PXDN: variants seen among roughly 807,000 people sequenced by gnomAD.
PXDN encodes the protein peroxidasin, also known as peroxidasin homolog.
PXDN carries 77 observed loss-of-function variants against 140.3 expected under a neutral mutation model. The observed-to-expected ratio is 0.55, with a 90% CI of 0.46 to 0.66. The LOEUF is 0.66. PXDN is among the 30% of genes least tolerant of loss of function. The pLI is 0.00. For missense variants in PXDN, 1,838 were observed against 2,039.5 expected, an observed-to-expected ratio of 0.90 and a Z score of 1.90; for synonymous variants, 911 against 857.4, an observed-to-expected ratio of 1.06 and a Z score of -1.09.
intron 7 of PXDN, 135 bp from the exon 8 acceptor site, chr2:1,677,179 C>G: frequency 1.3e-6 from 1 of 783,340 alleles, no homozygotes; most frequent in Non-Finnish European, 2.0e-6. Flanking sequence ...ACAAACATCC[C>G]CCACAAAAGT....
At chr2:1,703,545 G>A (rs1334362223) in intron 1 of PXDN, among the ~76,000 whole-genome samples, 14 of 31,130 alleles carry the variant, frequency 4.5e-4, no homozygotes, top group African/African-American at 1.4e-3. Context: ...CAGGTGAAGG[G>A]GGGGCAGCTC....
At chr2:1,726,447 G>T (rs1475101817) in intron 1 of PXDN, among the ~76,000 whole-genome samples, 1 of 126,602 alleles carries the variant, frequency 7.9e-6, no homozygotes, top group East Asian at 2.8e-4. Context: ...GGGAGGGGGG[G>T]AGGGATAGCT....
intron 9 of PXDN, 124 bp downstream of exon 9, chr2:1,673,519 T>C: frequency 7.7e-7 from 1 of 1,302,956 alleles, no homozygotes; most frequent in Non-Finnish European, 1.1e-6. Flanking sequence ...CCAACCCTGG[T>C]ACTGGAGCTT....
chr2:1,666,298 C>T lies in PXDN; in HGVS notation c.1207G>A (p.Val403Ile), dbSNP rs146093600. Reference sequence around the variant, plus strand: ...GCATACTCTCCGCTGTCCCCCTGTACGACGTTCTGTATGTAAAGCCCGCCA... The same window carrying T: ...GCATACTCTCCGCTGTCCCCCTGTATGACGTTCTGTATGTAAAGCCCGCCA... ...PSGGLYIQNV[V>I]QGDSGEYACS... The change falls in exon 10 of 23, where the codon GTA becomes ATA. Residue 403 changes from valine (V) to isoleucine (I), a missense_variant. Around this residue, in one of 5 missense-constraint regions of PXDN, gnomAD observed 537 missense variants for 583.9 expected, o/e 0.92. Coordinates refer to ENST00000252804, the MANE Select transcript of PXDN (RefSeq NM_012293.3). The T allele has an allele frequency of 4.5e-5, 72 of 1,614,034 alleles. No homozygotes were observed. Among genetic ancestry groups the T allele is most frequent in the South Asian group, 3.3e-4 (30 of 91,082 alleles).
At chr2:1,698,243 C>T (rs1243202982) in intron 1 of PXDN, among the ~76,000 whole-genome samples, 1 of 152,142 alleles carries the variant, frequency 6.6e-6, no homozygotes, top group Non-Finnish European at 1.5e-5. Flanking sequence ...TGTGAACATC[C>T]CCTGCAATTC....
At chr2:1,658,072 CTCTCTCTCTCT>C (rs1683203283) in intron 14 of PXDN, among the ~76,000 whole-genome samples, 3 of 95,602 alleles carry the variant, frequency 3.1e-5, no homozygotes, top group East Asian at 2.6e-4. Flanking sequence ...CTCTCTCTCT[CTCTCTCTCTCT>C]CTCTCTCTCT....
Position 1,663,878 on chromosome 2 carries a change from A to C in PXDN, c.1409-115T>G. The C allele has an allele frequency of 3.6e-6, 5 of 1,374,324 alleles. No individual in the cohort carries two copies. In the South Asian group the frequency reaches 6.6e-5, roughly 18 times the overall value. 85.1% of individuals were successfully genotyped at this position (1,374,324 alleles called of 1,614,324 possible). A position where few individuals can be genotyped will look rare whatever the true frequency, so the allele number is the denominator to read the frequency against. On this transcript the variant is annotated intron_variant, in intron 11 of 22. Coordinates refer to ENST00000252804, the MANE Select transcript of PXDN (RefSeq NM_012293.3). ...TCCACCTGGGTCGGGGCGCCGGATA[A>C]TTTGGCCTGGCCCTGCATAAGCAAA... is the stretch of plus-strand genomic sequence containing the variant.
At chr2:1,673,862 T>C in intron 8 of PXDN, 50 bp from the exon 9 acceptor site, 2 of 1,591,752 alleles carry the variant, frequency 1.3e-6, no homozygotes, top group Middle Eastern at 3.3e-4. Context: ...CACAAAGACG[T>C]ACCTCACCCA....
At position 1,714,132 on chromosome 2, in the gene PXDN, C is replaced by T. The variant is rs1481240966; in HGVS notation, c.201-20998G>A. ...GTCACCTTTGGTGACTTCCCCGCCACAACACCCATCCACATCCAGGATACT... is the reference window on the plus strand; with the variant it reads ...GTCACCTTTGGTGACTTCCCCGCCATAACACCCATCCACATCCAGGATACT... On this transcript the variant is annotated intron_variant, in intron 1 of 22. Transcript: ENST00000252804. This position sits in a 1 kb window ranked among gnomAD's most constrained non-coding sequence, Gnocchi z 4.3. 6.6e-6 allele frequency among the ~76,000 whole-genome samples: 1 copy of T among 152,258 alleles called. No individual in the cohort carries two copies. The highest frequency in any genetic ancestry group is 2.4e-5 in the African/African-American group (1 of 41,474).
intron 1 of PXDN, among the ~76,000 whole-genome samples, chr2:1,743,092 A>G (rs1249908551): frequency 6.6e-6 from 1 of 152,228 alleles, no homozygotes; most frequent in Non-Finnish European, 1.5e-5. Flanking sequence ...GCGTTCACAG[A>G]TCCCGAAAAT....
chr2:1,737,034 G>A (rs1449298247), intron 1 of PXDN, among the ~76,000 whole-genome samples: 3 of 152,174 alleles, frequency 2.0e-5, no homozygotes, highest in Non-Finnish European at 4.4e-5. Flanking sequence ...GGGGCTGACC[G>A]CAGCCTGCTT....
chr2:1,666,170 G>A (rs1186104490), intron 10 of PXDN, 44 bp downstream of exon 10: 1 of 1,603,396 alleles, frequency 6.2e-7, no homozygotes, highest in East Asian at 2.2e-5. Flanking sequence ...GAGGGGTGAG[G>A]ATGGGGCTGA....
intron 19 of PXDN, among the ~76,000 whole-genome samples, chr2:1,641,062 G>A (rs1297638071): frequency 6.6e-6 from 1 of 152,246 alleles, no homozygotes; most frequent in African/African-American, 2.4e-5. Context: ...CCCAGACCTA[G>A]TGCAGACCCC....
At chr2:1,635,638 G>A (rs1257996925) in intron 21 of PXDN, 117 bp from the exon 22 acceptor site, 8 of 828,400 alleles carry the variant, frequency 9.7e-6, no homozygotes, top group South Asian at 4.4e-5. Flanking sequence ...ACATTTGAGG[G>A]GAATATTTCT....
chr2:1,679,421 G>T (rs1683814340), intron 7 of PXDN, among the ~76,000 whole-genome samples: 1 of 145,094 alleles, frequency 6.9e-6, no homozygotes, highest in African/African-American at 2.6e-5. Context: ...GTGCGTGTGT[G>T]GTGTGTGTGT....
Position 1,696,102 on chromosome 2 carries a change from CAAAT to C in PXDN, c.201-2972_201-2969del, listed in dbSNP as rs1281160494. Among the ~76,000 whole-genome samples the C allele has an allele frequency of 9.9e-5, 15 of 152,216 alleles. No homozygotes were observed. In the East Asian group the frequency reaches 1.2e-3, roughly 12 times the overall value. On this transcript the variant is annotated intron_variant, in intron 1 of 22. Transcript: ENST00000252804. ...CTGGACCTCAAGGACTTCCTACAAACAAATAGAACATAAATATATCTTCGATAAA... is the reference window on the plus strand; with the variant it reads ...CTGGACCTCAAGGACTTCCTACAAACAGAACATAAATATATCTTCGATAAA...
intron 1 of PXDN, among the ~76,000 whole-genome samples, chr2:1,699,196 C>T (rs962380509): frequency 5.9e-5 from 9 of 152,274 alleles, no homozygotes; most frequent in East Asian, 5.8e-4. Flanking sequence ...GGACTTTTGC[C>T]ATTAGATTCC....
chr2:1,734,244 T>C (rs180754189), intron 1 of PXDN, among the ~76,000 whole-genome samples: 1 of 152,374 alleles, frequency 6.6e-6, no homozygotes, highest in East Asian at 1.9e-4. Flanking sequence ...CTATTTTCAC[T>C]ATAATATAGC....
chr2:1,669,844 A>C (rs1437799225), intron 9 of PXDN: 1 of 152,094 alleles, frequency 6.6e-6, no homozygotes, highest in African/African-American at 2.4e-5. Context: ...CTAAATAAAT[A>C]AATAAATAAA....
Sources: gnomAD v4.1 joint callset for allele counts (sites outside exome capture counted in the v4.1 genomes callset) on GRCh38, gnomAD v4.1.1 for gene constraint, gnomAD v4.1.1 regional missense constraint, Gnocchi (gnomAD v3.1) non-coding constraint, MANE v1.5 for transcripts, NCBI Gene and HGNC (gene_info 2026-07-23, HGNC 2026-07-21) for gene names.